Variants in FNBP1L observed in about 807,000 individuals in gnomAD.
FNBP1L encodes the protein formin binding protein 1 like.
Under a neutral mutation model 91.2 loss-of-function variants are expected in FNBP1L, and 36 were observed. The observed-to-expected ratio is 0.39, with a 90% CI of 0.30 to 0.52. FNBP1L has a LOEUF of 0.52. FNBP1L is among the 20% of genes least tolerant of loss of function. The pLI is 0.66. For missense variants in FNBP1L, 571 were observed against 732.1 expected (o/e 0.78, Z 2.54); for synonymous variants, 242 against 237.0 (o/e 1.02, Z -0.19).
chr1:93,530,507 A>G (rs950193300), intron 6 of FNBP1L, among the ~76,000 whole-genome samples: 2 of 152,142 alleles, frequency 1.3e-5, no homozygotes, highest in African/African-American at 2.4e-5. Context: ...AGGGAATACT[A>G]TTGTAATGAG....
intron 5 of FNBP1L, among the ~76,000 whole-genome samples, chr1:93,526,979 A>G (rs559551227): frequency 1.3e-5 from 2 of 152,244 alleles, no homozygotes; most frequent in South Asian, 2.1e-4. Context: ...TGGAAGCTTA[A>G]TTTTCATAGC....
chr1:93,450,247 A>C (rs1221259617), intron 1 of FNBP1L, among the ~76,000 whole-genome samples: 1 of 152,198 alleles, frequency 6.6e-6, no homozygotes, highest in Non-Finnish European at 1.5e-5. Context: ...GGTTACTTTC[A>C]GCATTTAAAG....
Position 93,535,637 on chromosome 1 carries a change from G to A in FNBP1L, c.991-695G>A, listed in dbSNP as rs148440920. ...CATTTTTTGATCATGGCATATGAGT[G>A]TAGATAAAATTAAAATTTAACTCAT... On this transcript the variant is annotated intron_variant, in intron 9 of 16. Coordinates refer to ENST00000271234, the MANE Select transcript of FNBP1L (RefSeq NM_001164473.3). Among the ~76,000 whole-genome samples, 893 of 152,130 alleles carry A rather than the reference G, an allele frequency of 5.9e-3. 4 individuals are homozygous for A. Among genetic ancestry groups the A allele is most frequent in the Non-Finnish European group, 0.01 (681 of 67,916 alleles).
intron 2 of FNBP1L, among the ~76,000 whole-genome samples, chr1:93,513,641 G>C (rs1404810280): frequency 6.6e-6 from 1 of 152,070 alleles, no homozygotes; most frequent in East Asian, 1.9e-4. Context: ...ATGTAATCCA[G>C]CATATAAACA....
intron 1 of FNBP1L, among the ~76,000 whole-genome samples, chr1:93,480,353 A>G (rs1050454567): frequency 1.3e-5 from 2 of 152,346 alleles, no homozygotes; most frequent in African/African-American, 4.8e-5. Flanking sequence ...GCGAGTGGAA[A>G]GACTCTCCAA....
intron 11 of FNBP1L, 107 bp downstream of exon 11, chr1:93,541,163 TTGTG>T: frequency 1.9e-6 from 2 of 1,078,806 alleles, no homozygotes; most frequent in Non-Finnish European, 2.7e-6. Context: ...CGTTTTCACC[TTGTG>T]TGTTTTTTCT....
At chr1:93,534,940 A>G (rs1256151250) in intron 9 of FNBP1L, 32 bp downstream of exon 9, 12 of 1,527,964 alleles carry the variant, frequency 7.9e-6, no homozygotes, top group Non-Finnish European at 1.1e-5. Context: ...TATGCTAATC[A>G]GTTTAAGTGT....
rs139315463 is a variant in FNBP1L, at chr1:93,496,786, C to T, written c.25-2682C>T. On this transcript the variant is annotated intron_variant, in intron 1 of 16. Coordinates refer to ENST00000271234, the MANE Select transcript of FNBP1L (RefSeq NM_001164473.3). Reference sequence around the variant, plus strand: ...CCTCGAATGAGTCTCCCATCTGGGCCTTCCCAAGTGCTGGGATTATAGGCA... The same window carrying T: ...CCTCGAATGAGTCTCCCATCTGGGCTTTCCCAAGTGCTGGGATTATAGGCA... Among the ~76,000 whole-genome samples, 70 of 152,270 alleles carry T rather than the reference C, an allele frequency of 4.6e-4. No individual in the cohort carries two copies. In the East Asian group the frequency reaches 0.011, roughly 25 times the overall value.
chr1:93,473,256 A>G (rs1669368763), intron 1 of FNBP1L, among the ~76,000 whole-genome samples: 1 of 152,180 alleles, frequency 6.6e-6, no homozygotes, highest in Admixed American at 6.5e-5. Context: ...TCTTTCTGAA[A>G]GATTTTTGAA....
chr1:93,534,992 C>T (rs1671798539), intron 9 of FNBP1L, 84 bp downstream of exon 9: 2 of 1,040,526 alleles, frequency 1.9e-6, no homozygotes, highest in Non-Finnish European at 2.8e-6. Context: ...AAATGATTTA[C>T]CATTAATGGA....
At chr1:93,505,329 A>G (rs576945607) in intron 2 of FNBP1L, among the ~76,000 whole-genome samples, 1 of 152,238 alleles carries the variant, frequency 6.6e-6, no homozygotes, top group African/African-American at 2.4e-5. Flanking sequence ...ACAAGAGTAC[A>G]CCGAACAAAG....
chr1:93,540,999 G>C (rs1672026752), intron 10 of FNBP1L, 43 bp from the exon 11 acceptor site: 1 of 1,529,374 alleles, frequency 6.5e-7, no homozygotes, highest in African/African-American at 1.4e-5. Flanking sequence ...GGTTTCCTGT[G>C]AATAATTTAC....
chr1:93,478,011 A>G (rs555032250), intron 1 of FNBP1L, among the ~76,000 whole-genome samples: 2 of 152,216 alleles, frequency 1.3e-5, no homozygotes, highest in Admixed American at 6.5e-5. Context: ...ACACAGATTC[A>G]CTTTGGTTGT....
chr1:93,474,406 G>C (rs2101701094), intron 1 of FNBP1L, among the ~76,000 whole-genome samples: 1 of 152,296 alleles, frequency 6.6e-6, no homozygotes, highest in East Asian at 1.9e-4. Context: ...TTCTGGAGGA[G>C]GAAAGAGAGC....
rs2101758023 is a variant in FNBP1L, at chr1:93,530,845, CAT to C, written c.603_604del (p.His201GlnfsTer24). On this transcript the variant is annotated frameshift_variant, in exon 7 of 17. Transcript: ENST00000271234. LOFTEE classifies it high-confidence loss of function. ...ATTACAAAACTTTAATGGAGAACAA[CAT>C]AAACATTTTTATGTAGTGATTCCTC... Reference protein sequence around the residue: ...AQLQNFNGEQHKHFYVVIPQI... With the variant: ...AQLQNFNGEQXKHFYVVIPQI... 1 of 1,553,838 alleles carries C rather than the reference CAT, an allele frequency of 6.4e-7. No homozygotes were observed. The highest frequency in any genetic ancestry group is 8.7e-7 in the Non-Finnish European group (1 of 1,146,866).
intron 9 of FNBP1L, among the ~76,000 whole-genome samples, chr1:93,535,402 TCA>T (rs2101762692): frequency 6.6e-6 from 1 of 152,250 alleles, no homozygotes; most frequent in East Asian, 1.9e-4. Context: ...TAAGAGAATC[TCA>T]CTCTTAACTT....
At chr1:93,541,147 A>G in intron 11 of FNBP1L, 91 bp downstream of exon 11, 1 of 1,243,250 alleles carries the variant, frequency 8.0e-7, no homozygotes, top group Non-Finnish European at 1.1e-6. Flanking sequence ...GGTAAATTAC[A>G]TCCCACGTTT....
intron 2 of FNBP1L, among the ~76,000 whole-genome samples, chr1:93,510,669 G>A (rs1266979543): frequency 6.6e-6 from 1 of 152,142 alleles, no homozygotes; most frequent in African/African-American, 2.4e-5. Context: ...GCTACAGGAG[G>A]ACATTCAAAC....
rs770373855 is a variant in FNBP1L at position 93,534,783 on chromosome 1, C to A, written c.865C>A (p.His289Asn). ...CTTTCCATTTGAAGATTACAGTCAA[C>A]ATATATATAGAACCATTTCTGATGG... Reference protein sequence around the residue: ...GDFPFEDYSQHIYRTISDGTI... With the variant: ...GDFPFEDYSQNIYRTISDGTI... The change falls in exon 9 of 17, where the codon CAT (histidine) becomes AAT (asparagine). Residue 289 changes from histidine to asparagine, a missense_variant. By Grantham distance (68) the His-to-Asn change is moderately conservative (BLOSUM62 1). Coordinates refer to ENST00000271234, the MANE Select transcript of FNBP1L (RefSeq NM_001164473.3). 5 of 1,570,696 alleles carry A rather than the reference C, an allele frequency of 3.2e-6. No homozygotes were observed. Among genetic ancestry groups the A allele is most frequent in the South Asian group, 2.3e-5 (2 of 85,416 alleles).
Sources: gnomAD v4.1 joint callset for allele counts (sites outside exome capture counted in the v4.1 genomes callset) on GRCh38, gnomAD v4.1.1 for gene constraint, MANE v1.5 for transcripts, NCBI Gene and HGNC (gene_info 2026-07-23, HGNC 2026-07-21) for gene names.